EFCAB5: variants seen among roughly 807,000 people sequenced by gnomAD.
EFCAB5 encodes EF-hand calcium-binding domain-containing protein 5.
EFCAB5 carries 131 observed loss-of-function variants against 167.9 expected under a neutral mutation model. The observed-to-expected ratio is 0.78, with a 90% CI of 0.68 to 0.90. EFCAB5 has a LOEUF of 0.90. Ranked by LOEUF, EFCAB5 falls within the 40% of genes least tolerant of loss-of-function variation. The pLI is 0.00. For synonymous variants in EFCAB5, 574 were observed against 602.8 expected, an observed-to-expected ratio of 0.95 and a Z score of 0.70; for missense variants, 1,663 against 1,745.2, an observed-to-expected ratio of 0.95 and a Z score of 0.84.
At chr17:30,043,717 A>G (rs2151758223) in intron 8 of EFCAB5, among the ~76,000 whole-genome samples, 1 of 152,364 alleles carries the variant, frequency 6.6e-6, no homozygotes, top group Non-Finnish European at 1.5e-5. Context: ...CTAAGAAATG[A>G]AAGACCTAAA....
At chr17:30,015,158 T>C (rs1380108952) in intron 7 of EFCAB5, among the ~76,000 whole-genome samples, 2 of 152,260 alleles carry the variant, frequency 1.3e-5, no homozygotes, top group African/African-American at 2.4e-5. Flanking sequence ...GGGTTTCTGC[T>C]GAGAGATCTG....
At chr17:30,101,727 G>C (rs1350222540) in intron 22 of EFCAB5, among the ~76,000 whole-genome samples, 2 of 152,186 alleles carry the variant, frequency 1.3e-5, no homozygotes, top group Non-Finnish European at 2.9e-5. Flanking sequence ...GAATGGTGTG[G>C]TAACCGGAGG....
At chr17:30,099,014 T>C (rs1250573718) in intron 22 of EFCAB5, among the ~76,000 whole-genome samples, 1 of 152,220 alleles carries the variant, frequency 6.6e-6, no homozygotes, top group Non-Finnish European at 1.5e-5. Flanking sequence ...TGAATAATAT[T>C]CTATGATAGA....
intron 17 of EFCAB5, among the ~76,000 whole-genome samples, chr17:30,081,394 A>G (rs1483560713): frequency 6.6e-6 from 1 of 152,222 alleles, no homozygotes; most frequent in Non-Finnish European, 1.5e-5. Flanking sequence ...ATGCATCCCC[A>G]TAGGTCTTGA....
At position 30,082,973 on chromosome 17, in the gene EFCAB5, G is replaced by T; in HGVS notation, c.3509G>T (p.Gly1170Val). ...HILHIVITGI[G>V]WLYDVTSSIT... Reference sequence around the variant, plus strand: ...CTGCATATTGTGATCACTGGCATAGGCTGGCTTTATGACGTCACATCCAGC... The same window carrying T: ...CTGCATATTGTGATCACTGGCATAGTCTGGCTTTATGACGTCACATCCAGC... Residue 1170 changes from glycine (G) to valine (V), a missense_variant, in exon 18 of 23, where the codon GGC becomes GTC. By Grantham distance (109) the Gly-to-Val change is moderately radical (BLOSUM62 -3). Coordinates refer to ENST00000394835, the MANE Select transcript of EFCAB5 (RefSeq NM_198529.4). The T allele has an allele frequency of 6.2e-7, 1 of 1,613,960 alleles. No homozygotes were observed. The highest frequency in any genetic ancestry group is 1.3e-5 in the African/African-American group (1 of 75,024).
intron 7 of EFCAB5, among the ~76,000 whole-genome samples, chr17:30,005,071 G>A (rs1279398598): frequency 6.6e-6 from 1 of 152,098 alleles, no homozygotes; most frequent in African/African-American, 2.4e-5. Context: ...TAGAGTCCCA[G>A]AAATGGAACA....
chr17:29,947,172 C>CAAAAAAAAAAAA (rs71278523), intron 3 of EFCAB5, among the ~76,000 whole-genome samples: 1 of 66,864 alleles, frequency 1.5e-5, no homozygotes. Flanking sequence ...GACTCCATCT[C>CAAAAAAAAAAAA]AAAAAAAAAA....
intron 7 of EFCAB5, among the ~76,000 whole-genome samples, chr17:30,025,115 T>C (rs1349896677): frequency 6.6e-6 from 1 of 152,036 alleles, no homozygotes; most frequent in Non-Finnish European, 1.5e-5. Context: ...ATTCAGGACA[T>C]AGGCATGGGC....
At chr17:29,984,090 G>A (rs923795748) in intron 4 of EFCAB5, among the ~76,000 whole-genome samples, 4 of 151,802 alleles carry the variant, frequency 2.6e-5, no homozygotes, top group Admixed American at 2.6e-4. Flanking sequence ...AGTAGGTGCC[G>A]AATAAATATT....
intron 14 of EFCAB5, among the ~76,000 whole-genome samples, chr17:30,071,050 G>A (rs2070724571): frequency 6.6e-6 from 1 of 150,416 alleles, no homozygotes; most frequent in Non-Finnish European, 1.5e-5. Context: ...AAAACATGAG[G>A]GAAACACTTC....
chr17:30,059,074 G>C (rs555071880), intron 13 of EFCAB5: 2 of 151,666 alleles, frequency 1.3e-5, no homozygotes, highest in South Asian at 2.1e-4. Flanking sequence ...AAGGTTAGCA[G>C]TGGGAGGTTG....
chr17:30,046,486 T>C (rs2069933048), intron 8 of EFCAB5, among the ~76,000 whole-genome samples: 1 of 152,208 alleles, frequency 6.6e-6, no homozygotes, highest in South Asian at 2.1e-4. Context: ...TAGAAATCTC[T>C]ATTTCTTGTA....
chr17:30,093,612 A>G (rs2071241616), intron 22 of EFCAB5, among the ~76,000 whole-genome samples: 2 of 152,192 alleles, frequency 1.3e-5, no homozygotes, highest in East Asian at 1.9e-4. Flanking sequence ...TTTCTGGATT[A>G]ACGGGGAACT....
intron 4 of EFCAB5, among the ~76,000 whole-genome samples, chr17:29,970,487 G>A (rs552207018): frequency 2.0e-5 from 3 of 151,634 alleles, no homozygotes; most frequent in East Asian, 3.9e-4. Context: ...GAGGGAAAAC[G>A]AAAAGACAAA....
chr17:30,043,348 A>G (rs922126047), intron 8 of EFCAB5, among the ~76,000 whole-genome samples: 1 of 152,206 alleles, frequency 6.6e-6, no homozygotes, highest in Admixed American at 6.5e-5. Context: ...CAAGGCAAGG[A>G]TATCCACTCT....
chr17:29,951,316 TG>T (rs1223820478), intron 3 of EFCAB5, among the ~76,000 whole-genome samples: 2 of 152,168 alleles, frequency 1.3e-5, no homozygotes, highest in African/African-American at 2.4e-5. Context: ...TTCAGGATAT[TG>T]TTTTTTTGTT....
chr17:30,108,164 C>A lies in EFCAB5; in HGVS notation c.*140C>A. The A allele has an allele frequency of 2.0e-6, 2 of 1,009,710 alleles. No homozygotes were observed. Among genetic ancestry groups the A allele is most frequent in the Non-Finnish European group, 2.7e-6 (2 of 729,988 alleles). The allele number at this position is 1,009,710 out of a possible 1,614,324, so 62.5% of individuals were successfully genotyped here. A position where few individuals can be genotyped will look rare whatever the true frequency, so the allele number is the denominator to read the frequency against. ...CTGCTAATATTTATCTCAGCACTTTCTAAACCCAAAAGTGCTACCTAAGAA... is the reference window on the plus strand; with the variant it reads ...CTGCTAATATTTATCTCAGCACTTTATAAACCCAAAAGTGCTACCTAAGAA... On this transcript the variant is annotated 3_prime_UTR_variant, in exon 23 of 23. Coordinates refer to ENST00000394835, the MANE Select transcript of EFCAB5 (RefSeq NM_198529.4).
At chr17:29,933,516 GGAGA>G (rs911908040) in intron 1 of EFCAB5, among the ~76,000 whole-genome samples, 8 of 152,164 alleles carry the variant, frequency 5.3e-5, no homozygotes, top group African/African-American at 1.9e-4. Context: ...CTGAATTTGA[GGAGA>G]GAGAGGCCAA....
chr17:29,949,924 A>T (rs770904963), intron 3 of EFCAB5, among the ~76,000 whole-genome samples: 7 of 152,242 alleles, frequency 4.6e-5, no homozygotes, highest in Non-Finnish European at 1.0e-4. Context: ...AGAATGCCTT[A>T]GTTCACATGT....
Sources: gnomAD v4.1 joint callset for allele counts (sites outside exome capture counted in the v4.1 genomes callset) on GRCh38, gnomAD v4.1.1 for gene constraint, MANE v1.5 for transcripts, NCBI Gene and HGNC (gene_info 2026-07-23, HGNC 2026-07-21) for gene names.